Variants in NKAIN2 observed in about 807,000 individuals in gnomAD.
NKAIN2 encodes sodium/potassium-transporting ATPase subunit beta-1-interacting protein 2.
Under a neutral mutation model 32.6 loss-of-function variants are expected in NKAIN2, and 14 were observed. The ratio of observed to expected loss-of-function variants is 0.43; its 90% confidence interval spans 0.28 to 0.67. The LOEUF is 0.67. Ranked by LOEUF, NKAIN2 falls within the 30% of genes least tolerant of loss-of-function variation. NKAIN2 has a pLI of 0.17. For missense variants in NKAIN2, 198 were observed against 258.3 expected (o/e 0.77, Z 1.60); for synonymous variants, 80 against 87.2 (o/e 0.92, Z 0.46).
intron 4 of NKAIN2, among the ~76,000 whole-genome samples, chr6:124,677,259 G>A (rs187305545): frequency 7.9e-5 from 12 of 152,248 alleles, no homozygotes; most frequent in South Asian, 6.2e-4. Context: ...GTGAGCCACC[G>A]GGTCTGGCCA....
intron 4 of NKAIN2, among the ~76,000 whole-genome samples, chr6:124,730,047 A>G (rs1409835627): frequency 1.7e-5 from 2 of 114,652 alleles, no homozygotes; most frequent in Admixed American, 9.7e-5. Flanking sequence ...CCACTGATCA[A>G]GGAAATAAAA....
chr6:124,611,286 G>A (rs1782678998), intron 3 of NKAIN2, among the ~76,000 whole-genome samples: 1 of 151,936 alleles, frequency 6.6e-6, no homozygotes, highest in African/African-American at 2.4e-5. Flanking sequence ...TATTTACTTT[G>A]GAGAAGAAAG....
intron 4 of NKAIN2, among the ~76,000 whole-genome samples, chr6:124,766,899 G>GT (rs1239053092): frequency 1.3e-5 from 2 of 151,920 alleles, no homozygotes; most frequent in Non-Finnish European, 2.9e-5. Flanking sequence ...CTTGTTTTTT[G>GT]TTTTTTGTTT....
chr6:123,955,196 C>CAAAAAAAAAAAAA (rs5879708), intron 1 of NKAIN2, among the ~76,000 whole-genome samples: 9 of 104,950 alleles, frequency 8.6e-5, no homozygotes, highest in East Asian at 2.8e-4. Context: ...ACAGAAAAAC[C>CAAAAAAAAAAAAA]AAAAAAAAAA....
At chr6:124,143,767 A>G (rs1391982825) in intron 1 of NKAIN2, among the ~76,000 whole-genome samples, 1 of 152,220 alleles carries the variant, frequency 6.6e-6, no homozygotes, top group Non-Finnish European at 1.5e-5. Context: ...TAGTAGAATT[A>G]TTTATAAAAA....
chr6:123,889,269 G>A (rs1773882178), intron 1 of NKAIN2, among the ~76,000 whole-genome samples: 1 of 152,052 alleles, frequency 6.6e-6, no homozygotes, highest in South Asian at 2.1e-4. Flanking sequence ...ATGCGGAGCT[G>A]GTTGATCTGA....
intron 3 of NKAIN2, among the ~76,000 whole-genome samples, chr6:124,587,539 G>A (rs1781754948): frequency 6.6e-6 from 1 of 152,080 alleles, no homozygotes; most frequent in Non-Finnish European, 1.5e-5. Context: ...TTTTTTTACA[G>A]CTGAAACTGA....
At chr6:124,247,541 G>A (rs1582920474) in intron 1 of NKAIN2, among the ~76,000 whole-genome samples, 1 of 152,074 alleles carries the variant, frequency 6.6e-6, no homozygotes, top group Non-Finnish European at 1.5e-5. Context: ...AAACGCTTAG[G>A]GATGTCCTCA....
At chr6:124,798,874 C>T (rs1336057236) in intron 5 of NKAIN2, among the ~76,000 whole-genome samples, 1 of 152,124 alleles carries the variant, frequency 6.6e-6, no homozygotes, top group Non-Finnish European at 1.5e-5. Context: ...CCATCAAGAT[C>T]CACCCCTGTC....
intron 1 of NKAIN2, among the ~76,000 whole-genome samples, chr6:123,865,817 C>CA (rs369039730): frequency 1.3e-5 from 2 of 151,350 alleles, no homozygotes; most frequent in African/African-American, 2.4e-5. Context: ...ATTGTGAAAA[C>CA]AAAAAAATGC....
intron 2 of NKAIN2, among the ~76,000 whole-genome samples, chr6:124,328,357 C>T (rs1438458354): frequency 6.6e-6 from 1 of 152,084 alleles, no homozygotes; most frequent in Non-Finnish European, 1.5e-5. Context: ...TAATTTAGCC[C>T]TGTTCTTGCT....
intron 3 of NKAIN2, among the ~76,000 whole-genome samples, chr6:124,364,323 TAAA>T (rs1184402212): frequency 2.7e-5 from 4 of 148,866 alleles, no homozygotes; most frequent in African/African-American, 7.4e-5. Flanking sequence ...ATTACCAGGA[TAAA>T]AAAACAGAAT....
At chr6:124,525,414 A>T (rs1270720162) in intron 3 of NKAIN2, among the ~76,000 whole-genome samples, 2 of 152,164 alleles carry the variant, frequency 1.3e-5, no homozygotes, top group Non-Finnish European at 2.9e-5. Context: ...CATGTAACGT[A>T]ATGAAGACAG....
At chr6:124,659,422 A>C (rs1010607699) in intron 4 of NKAIN2, among the ~76,000 whole-genome samples, 7 of 152,172 alleles carry the variant, frequency 4.6e-5, no homozygotes, top group Non-Finnish European at 7.3e-5. Context: ...AATTAAAAAA[A>C]AAAACTATGT....
At chr6:124,691,189 A>G (rs972739492) in intron 4 of NKAIN2, among the ~76,000 whole-genome samples, 18 of 152,120 alleles carry the variant, frequency 1.2e-4, no homozygotes, top group African/African-American at 3.9e-4. Context: ...CCTATGCCAC[A>G]TTTGGATTAT....
intron 2 of NKAIN2, among the ~76,000 whole-genome samples, chr6:124,332,228 T>C (rs140978682): frequency 0.015 from 2,192 of 150,830 alleles, 63 homozygotes; most frequent in African/African-American, 0.05. Context: ...TGTGTGTATA[T>C]ACACACACAC....
chr6:124,490,405 C>CA (rs1276788833), intron 3 of NKAIN2: 2 of 378,546 alleles, frequency 5.3e-6, no homozygotes, highest in East Asian at 1.6e-4. Flanking sequence ...CGTATAGAAT[C>CA]ATAGAGGTTT....
intron 3 of NKAIN2, among the ~76,000 whole-genome samples, chr6:124,564,883 G>A (rs1228470531): frequency 3.3e-5 from 5 of 152,132 alleles, no homozygotes; most frequent in East Asian, 1.9e-4. Context: ...TTAAATAAAC[G>A]TAAGGTAAAT....
chr6:124,522,711 G>C (rs999189239), intron 3 of NKAIN2, among the ~76,000 whole-genome samples: 3 of 152,074 alleles, frequency 2.0e-5, no homozygotes, highest in African/African-American at 7.2e-5. Context: ...CACGTTCCAA[G>C]TTTTCTTTTA....
Sources: allele counts gnomAD v4.1 joint callset (sites outside exome capture counted in the v4.1 genomes callset), GRCh38; gene constraint gnomAD v4.1.1; transcripts MANE v1.5; gene names NCBI Gene and HGNC (gene_info 2026-07-23, HGNC 2026-07-21).